The following TENM2 variants were observed in gnomAD, a reference collection of about 807,000 sequenced individuals.
TENM2 encodes teneurin transmembrane protein 2.
Under a neutral mutation model 245.2 loss-of-function variants are expected in TENM2, and 52 were observed. The observed-to-expected ratio is 0.21, with a 90% confidence interval of 0.17 to 0.27. The LOEUF (loss-of-function observed/expected upper bound fraction) is 0.27, where lower values mean the gene tolerates loss of function less well. TENM2 is among the 10% of genes least tolerant of loss of function. The probability of loss-of-function intolerance (pLI) is 1.00; values close to 1 mark genes in which losing one functional copy is unlikely to be tolerated. For missense variants in TENM2, 3,046 were observed against 3,666.8 expected (o/e 0.83, Z 4.37); for synonymous variants, 1,363 against 1,438.9 (o/e 0.95, Z 1.19).
intron 2 of TENM2, among the ~76,000 whole-genome samples, chr5:167,631,955 G>A (rs189801083): frequency 3.9e-5 from 6 of 152,166 alleles, no homozygotes; most frequent in Admixed American, 6.5e-5. Flanking sequence ...AGTTTTGGTC[G>A]CTGTTATTCT....
chr5:167,823,965 T>C (rs544985563), intron 2 of TENM2, among the ~76,000 whole-genome samples: 220 of 152,238 alleles, frequency 1.4e-3, no homozygotes, highest in South Asian at 9.5e-3. Flanking sequence ...AGCCTCTGGG[T>C]CCAAAGGCTG....
chr5:168,162,699 G>T, exon 13 of TENM2: 2 of 1,614,048 alleles, frequency 1.2e-6, no homozygotes, highest in Non-Finnish European at 1.7e-6. Flanking sequence ...GCTGGAGAGG[G>T]CCCGGATGCA....
intron 6 of TENM2, among the ~76,000 whole-genome samples, chr5:168,053,005 C>G (rs987326735): frequency 6.6e-6 from 1 of 152,128 alleles, no homozygotes; most frequent in Admixed American, 6.5e-5. Context: ...TAAATTCTTC[C>G]GCTGGCTCTC....
chr5:167,891,814 C>T (rs1452886954), intron 3 of TENM2, among the ~76,000 whole-genome samples: 1 of 152,102 alleles, frequency 6.6e-6, no homozygotes, highest in African/African-American at 2.4e-5. Context: ...CCTTGGCTTC[C>T]TTCTGGCATT....
chr5:167,818,300 C>A lies in TENM2; in HGVS notation c.503-57686C>A, dbSNP rs144009012. On this transcript the variant is annotated intron_variant, in intron 2 of 28. Transcript: ENST00000518659. ...ACAGTGATGACTACGGTGCTTTGCA[C>A]ACAGATTGTCAATAACAATCTGGTT... Among the ~76,000 whole-genome samples, 16 of 152,266 alleles carry A rather than the reference C, an allele frequency of 1.1e-4. No individual in the cohort carries two copies. In the East Asian group the frequency reaches 2.5e-3, roughly 24 times the overall value.
At chr5:167,130,782 C>G in the TENM2 span, among the ~76,000 whole-genome samples, 1 of 152,040 alleles carries the variant, frequency 6.6e-6, no homozygotes, top group Non-Finnish European at 1.5e-5. Flanking sequence ...ATGCTAGTCC[C>G]ATCCTTTTAT....
chr5:167,649,536 C>G (rs973343468), intron 2 of TENM2, among the ~76,000 whole-genome samples: 8 of 152,136 alleles, frequency 5.3e-5, no homozygotes, highest in East Asian at 1.9e-4. Context: ...CACACACACA[C>G]AGAAGTCTTT....
Position 168,238,241 on chromosome 5 carries a change from A to G in TENM2, c.5521-6179A>G, listed in dbSNP as rs868190589. Among the ~76,000 whole-genome samples the G allele has an allele frequency of 7.7e-4, 104 of 135,510 alleles. 6 individuals are homozygous for G. Among genetic ancestry groups the G allele is most frequent in the African/African-American group, 2.7e-3 (91 of 34,104 alleles). 88.9% of individuals were successfully genotyped at this position (135,510 alleles called of 152,430 possible). ...AGAGAGAAGAAAAGAAAAGAAAAGAAAAGAAAAGAAAAGAAAAGAAAAGAA... is the reference window on the plus strand; with the variant it reads ...AGAGAGAAGAAAAGAAAAGAAAAGAGAAGAAAAGAAAAGAAAAGAAAAGAA... On this transcript the variant is annotated intron_variant, in intron 25 of 28. Transcript: ENST00000518659.
chr5:168,191,829 T>A (rs962329904), intron 14 of TENM2, among the ~76,000 whole-genome samples: 12 of 150,084 alleles, frequency 8.0e-5, no homozygotes, highest in Non-Finnish European at 1.2e-4. Context: ...CCAGCGAGGG[T>A]GGGATGGGGA....
At chr5:168,248,106 G>T (rs909929828) in exon 27 of TENM2, 4 of 1,614,010 alleles carry the variant, frequency 2.5e-6, no homozygotes, top group Middle Eastern at 1.6e-4. Context: ...TCAAACAGCT[G>T]CAGTACACGG....
the TENM2 span, among the ~76,000 whole-genome samples, chr5:167,238,009 CAAAAAAAA>C: frequency 2.3e-5 from 1 of 44,114 alleles, no homozygotes; most frequent in African/African-American, 8.6e-5. Context: ...GACTCTGTCT[CAAAAAAAA>C]AAAAAAAAAA....
chr5:167,583,174 T>G (rs1775215819), intron 2 of TENM2, among the ~76,000 whole-genome samples: 1 of 152,186 alleles, frequency 6.6e-6, no homozygotes, highest in African/African-American at 2.4e-5. Flanking sequence ...GGGATTCAGA[T>G]TTCATTCGAA....
the TENM2 span, among the ~76,000 whole-genome samples, chr5:167,259,948 C>G: frequency 6.6e-6 from 1 of 152,110 alleles, no homozygotes; most frequent in African/African-American, 2.4e-5. Context: ...CATTCTTAGC[C>G]TTTTATGTCT....
exon 16 of TENM2, chr5:168,199,046 A>G (rs780330054): frequency 1.9e-6 from 3 of 1,613,838 alleles, no homozygotes; most frequent in South Asian, 1.1e-5. Flanking sequence ...TCCAATCATC[A>G]TCTCCTCCCC....
At chr5:168,248,280 CGTG>C in exon 27 of TENM2, 5 of 1,614,014 alleles carry the variant, frequency 3.1e-6, no homozygotes, top group Non-Finnish European at 4.2e-6. Flanking sequence ...TGTGGAAAAA[CGTG>C]GGCAAGGAGC....
At chr5:167,286,640 T>A (rs918120967) in intron 1 of TENM2, among the ~76,000 whole-genome samples, 1 of 152,186 alleles carries the variant, frequency 6.6e-6, no homozygotes, top group Non-Finnish European at 1.5e-5. Context: ...CTGCTGTAGT[T>A]TTTGTCTCAT....
chr5:168,146,339 A>G (rs894525323), intron 12 of TENM2, among the ~76,000 whole-genome samples: 3 of 151,726 alleles, frequency 2.0e-5, no homozygotes, highest in African/African-American at 7.3e-5. Context: ...GAGATAATGA[A>G]AAAAAAAAGT....
chr5:167,853,310 A>AAAAC (rs1411363418), intron 2 of TENM2, among the ~76,000 whole-genome samples: 1 of 137,422 alleles, frequency 7.3e-6, no homozygotes, highest in African/African-American at 2.8e-5. Context: ...AAAAAAAAAA[A>AAAAC]AAGAAAGTGA....
chr5:167,298,365 A>T (rs1755085162), intron 1 of TENM2, among the ~76,000 whole-genome samples: 1 of 152,226 alleles, frequency 6.6e-6, no homozygotes, highest in South Asian at 2.1e-4. Flanking sequence ...GCACTTCGGG[A>T]GGCCGAGGGG....
Sources: allele counts gnomAD v4.1 joint callset (sites outside exome capture counted in the v4.1 genomes callset), GRCh38; gene constraint gnomAD v4.1.1; transcripts MANE v1.5; gene names NCBI Gene and HGNC (gene_info 2026-07-23, HGNC 2026-07-21).